The following ZNF462 variants were observed in gnomAD, a reference collection of about 807,000 sequenced individuals.
ZNF462 encodes the protein zinc finger protein 462, also known as zinc finger PBX1-interacting protein.
In ZNF462, 10 loss-of-function variants were observed where a neutral mutation model predicts 201.9. The observed-to-expected ratio is 0.05, with a 90% CI of 0.03 to 0.08. The LOEUF (loss-of-function observed/expected upper bound fraction) is 0.08, where lower values mean the gene tolerates loss of function less well. Among genes scored for constraint, ZNF462 ranks in the 10% least tolerant of loss-of-function variants. The pLI is 1.00. For synonymous variants in ZNF462, 1,227 were observed against 1,193.3 expected (o/e 1.03, Z -0.58); for missense variants, 2,523 against 3,168.3 (o/e 0.80, Z 4.89).
In ZNF462 at chr9:106,975,243, T is replaced by G. The variant is rs140747355; in HGVS notation, c.6832+970T>G. 234 of 152,382 alleles carry G rather than the reference T, an allele frequency of 1.5e-3. 1 individual carries two copies. The highest frequency in any genetic ancestry group is 5.4e-3 in the African/African-American group (226 of 41,586). 9.4% of individuals were successfully genotyped at this position (152,382 alleles called of 1,614,324 possible). ...CTTTTCATCCTCTTCCCTCCTATCTTCATTCCTTCGCCTCTGACCTTAGAA... is the reference window on the plus strand; with the variant it reads ...CTTTTCATCCTCTTCCCTCCTATCTGCATTCCTTCGCCTCTGACCTTAGAA... On this transcript the variant is annotated intron_variant, in intron 9 of 12. Transcript: ENST00000277225.
chr9:106,867,500 C>CT lies in ZNF462; in HGVS notation c.-31+4146dup, dbSNP rs1827388470. ...TTTCTCATATTGGATTTATGTCAGT[C>CT]TAATTCATTGACCATATTCCCCGAG... On this transcript the variant is annotated intron_variant, in intron 1 of 12. Coordinates refer to ENST00000277225, the MANE Select transcript of ZNF462 (RefSeq NM_021224.6). Among the ~76,000 whole-genome samples the CT allele has an allele frequency of 2.0e-5, 3 of 151,962 alleles. No individual in the cohort carries two copies. In the East Asian group the frequency reaches 5.8e-4, roughly 29 times the overall value.
intron 9 of ZNF462, among the ~76,000 whole-genome samples, chr9:106,983,680 A>C (rs1001528153): frequency 2.0e-5 from 3 of 152,196 alleles, no homozygotes; most frequent in Non-Finnish European, 4.4e-5. Flanking sequence ...TATTTGTAAA[A>C]ATGAGAGTAA....
intron 9 of ZNF462, among the ~76,000 whole-genome samples, chr9:106,983,876 C>T (rs1188158908): frequency 1.3e-5 from 2 of 152,142 alleles, no homozygotes; most frequent in African/African-American, 4.8e-5. Context: ...TACTTCTATT[C>T]CTCCCCCTTG....
rs767100369 is a variant in ZNF462 at position 106,974,011 on chromosome 9, T to G, written c.6696-126T>G. 7 of 1,280,474 alleles carry G rather than the reference T, an allele frequency of 5.5e-6. No homozygotes were observed. Among genetic ancestry groups the G allele is most frequent in the Non-Finnish European group, 7.6e-6 (7 of 920,856 alleles). 79.3% of individuals were successfully genotyped at this position (1,280,474 alleles called of 1,614,324 possible). On this transcript the variant is annotated intron_variant, in intron 8 of 12. Coordinates refer to ENST00000277225, the MANE Select transcript of ZNF462 (RefSeq NM_021224.6). The surrounding 1 kb of genome is among the most constrained non-coding windows in gnomAD (Gnocchi z 4.0). ...TGGTCAACAAACATGATGAACAGAT[T>G]TTTTTTTAGCCCCACAAGCAGGAGA...
In ZNF462 at chr9:106,885,086, A is replaced by G. The variant is rs1828262063; in HGVS notation, c.-31+21731A>G. ...TAGAGAGATTTCTGCTTTAATCTCA[A>G]TAAAAAGGAAAATGGCCCTGTTGCA... On this transcript the variant is annotated intron_variant, in intron 1 of 12. Transcript: ENST00000277225. This position sits in a 1 kb window ranked among gnomAD's most constrained non-coding sequence, Gnocchi z 4.1. Among the ~76,000 whole-genome samples, 1 of 152,218 alleles carries G rather than the reference A, an allele frequency of 6.6e-6. No individual in the cohort carries two copies.
chr9:106,928,106 T>C lies in ZNF462; in HGVS notation c.4194T>C (p.Gly1398=). 1 of 1,614,180 alleles carries C rather than the reference T, an allele frequency of 6.2e-7. No homozygotes were observed. Among genetic ancestry groups the C allele is most frequent in the Non-Finnish European group, 8.5e-7 (1 of 1,180,038 alleles). The stretch of plus-strand genomic sequence containing the variant: ...CATTCCACCCCTGGGCCATGAATGG[T>C]GATGAGTCAGTGCTACTGGACATCA... ...YQAFHPWAMN[G]DESVLLDIIK... Residue 1398 remains glycine, a synonymous_variant, in exon 3 of 13, where the codon GGT becomes GGC. Transcript: ENST00000277225. The surrounding 1 kb of genome is among the most constrained non-coding windows in gnomAD (Gnocchi z 9.3).
intron 10 of ZNF462, among the ~76,000 whole-genome samples, chr9:106,991,839 T>TACACACACACACACAC (rs200978759): frequency 2.9e-5 from 4 of 136,258 alleles, no homozygotes; most frequent in African/African-American, 1.1e-4. Flanking sequence ...CAGCACTCTC[T>TACACACACACACACAC]ACACACACAC....
chr9:106,941,615 A>C (rs930838944), intron 7 of ZNF462, among the ~76,000 whole-genome samples: 2 of 152,248 alleles, frequency 1.3e-5, no homozygotes, highest in African/African-American at 4.8e-5. Context: ...TACTGTTTTT[A>C]ATGTATATAA....
At position 106,979,016 on chromosome 9, in the gene ZNF462, C is replaced by T. The variant is rs371496439; in HGVS notation, c.6832+4743C>T. 388 of 220,206 alleles carry T rather than the reference C, an allele frequency of 1.8e-3. 13 individuals are homozygous for T. Among genetic ancestry groups the T allele is most frequent in the African/African-American group, 8.8e-3 (365 of 41,538 alleles). 13.6% of individuals were successfully genotyped at this position (220,206 alleles called of 1,614,324 possible). ...TGTGGACTAGACACCCCAATTTGGC[C>T]ATCTCCTTGATAATACAATAGGGGA... On this transcript the variant is annotated intron_variant, in intron 9 of 12. Coordinates refer to ENST00000277225, the MANE Select transcript of ZNF462 (RefSeq NM_021224.6).
At chr9:106,979,323 A>C (rs1827247023) in intron 9 of ZNF462, 1 of 152,032 alleles carries the variant, frequency 6.6e-6, no homozygotes. Flanking sequence ...GGTTAATCAC[A>C]GGAGTCATTC....
upstream of ZNF462, among the ~76,000 whole-genome samples, chr9:106,861,401 T>A (rs966998677): frequency 1.3e-5 from 2 of 151,886 alleles, no homozygotes; most frequent in Non-Finnish European, 2.9e-5. Context: ...AAAGGGCGAG[T>A]ATTTAAAGAG....
chr9:106,915,594 G>A (rs1000537467), intron 1 of ZNF462, among the ~76,000 whole-genome samples: 3 of 152,152 alleles, frequency 2.0e-5, no homozygotes, highest in African/African-American at 7.2e-5. Flanking sequence ...TGAAGCAAGG[G>A]TGGGGAAACT....
At chr9:106,882,954 A>T (rs1013358272) in intron 1 of ZNF462, among the ~76,000 whole-genome samples, 1 of 152,236 alleles carries the variant, frequency 6.6e-6, no homozygotes, top group Non-Finnish European at 1.5e-5. Flanking sequence ...AATTGGAAGG[A>T]TGAAGCAACG....
Position 106,966,393 on chromosome 9 carries a change from C to T in ZNF462, c.6428-5612C>T, listed in dbSNP as rs1238279347. On this transcript the variant is annotated intron_variant, in intron 7 of 12. Transcript: ENST00000277225. This position sits in a 1 kb window ranked among gnomAD's most constrained non-coding sequence, Gnocchi z 4.4. The stretch of plus-strand genomic sequence containing the variant: ...TAAGGTGGAGGTGTAGTGAGTTGAA[C>T]GTTTAGGTAGCTGCGTGTCTAGTGT... Among the ~76,000 whole-genome samples the T allele has an allele frequency of 6.6e-6, 1 of 151,852 alleles. No individual in the cohort carries two copies. Among genetic ancestry groups the T allele is most frequent in the African/African-American group, 2.4e-5 (1 of 41,338 alleles).
rs1167090221 is a variant in ZNF462, at chr9:106,978,528, G to T, written c.6832+4255G>T. Among the ~76,000 whole-genome samples the T allele has an allele frequency of 1.3e-5, 2 of 151,504 alleles. No homozygotes were observed. Among genetic ancestry groups the T allele is most frequent in the East Asian group, 1.9e-4 (1 of 5,182 alleles). On this transcript the variant is annotated intron_variant, in intron 9 of 12. Transcript: ENST00000277225. This position sits in a 1 kb window ranked among gnomAD's most constrained non-coding sequence, Gnocchi z 4.1. ...AGGATTGGTAGACCCATCTCATTCA[G>T]GAACTGTGAACTTAGGTCAGATCAA... is the stretch of plus-strand genomic sequence containing the variant.
intron 1 of ZNF462, among the ~76,000 whole-genome samples, chr9:106,897,465 C>T (rs1041489073): frequency 5.3e-5 from 8 of 151,884 alleles, no homozygotes; most frequent in South Asian, 4.2e-4. Context: ...TTTAATATGT[C>T]GATCTTTGAA....
At chr9:106,887,115 G>C (rs1157867128) in intron 1 of ZNF462, among the ~76,000 whole-genome samples, 1 of 152,194 alleles carries the variant, frequency 6.6e-6, no homozygotes, top group Non-Finnish European at 1.5e-5. Context: ...AGAATAGCTT[G>C]TCCAGGTGAT....
chr9:106,861,291 C>T (rs758329393), upstream of ZNF462, among the ~76,000 whole-genome samples: 1 of 152,004 alleles, frequency 6.6e-6, no homozygotes, highest in Non-Finnish European at 1.5e-5. Context: ...GCCCCGCTAT[C>T]GGATGGGAAC....
chr9:106,894,250 G>C (rs1156472354), intron 1 of ZNF462, among the ~76,000 whole-genome samples: 2 of 152,324 alleles, frequency 1.3e-5, no homozygotes, highest in South Asian at 2.1e-4. Context: ...AACAACCCTT[G>C]TTGGCTGAAG....
Sources: gnomAD v4.1 joint callset for allele counts (sites outside exome capture counted in the v4.1 genomes callset) on GRCh38, gnomAD v4.1.1 for gene constraint, Gnocchi (gnomAD v3.1) non-coding constraint, MANE v1.5 for transcripts, NCBI Gene and HGNC (gene_info 2026-07-23, HGNC 2026-07-21) for gene names.